STK32B: variants seen among roughly 807,000 people sequenced by gnomAD.
The protein encoded by STK32B is serine/threonine kinase 32B, also known as serine/threonine-protein kinase 32B.
A neutral mutation model predicts 52.6 loss-of-function variants in STK32B; 43 were observed. The ratio of observed to expected loss-of-function variants is 0.82; its 90% CI spans 0.64 to 1.05. The LOEUF is 1.05. Among genes scored for constraint, STK32B ranks in the 50% least tolerant of loss-of-function variants. The pLI, the probability that STK32B is intolerant of heterozygous loss-of-function variation, is 0.00. For synonymous variants in STK32B, 238 were observed against 204.3 expected (o/e 1.17, Z -1.41); for missense variants, 621 against 534.6 (o/e 1.16, Z -1.59).
chr4:5,090,355 A>G (rs1309641667), intron 1 of STK32B, among the ~76,000 whole-genome samples: 5 of 142,480 alleles, frequency 3.5e-5, no homozygotes, highest in Admixed American at 7.1e-5. Flanking sequence ...TTTTACATTT[A>G]AGTCTTTAAT....
Position 5,470,677 on chromosome 4 carries a change from TC to T in STK32B, c.1106+2610del, listed in dbSNP as rs1346134076. Among the ~76,000 whole-genome samples the T allele has an allele frequency of 1.3e-5, 2 of 152,108 alleles. No homozygotes were observed. The highest frequency in any genetic ancestry group is 1.3e-4 in the Admixed American group (2 of 15,268). On this transcript the variant is annotated intron_variant, in intron 11 of 11. Coordinates refer to ENST00000282908, the MANE Select transcript of STK32B (RefSeq NM_018401.3). This position sits in a 1 kb window ranked among gnomAD's most constrained non-coding sequence, Gnocchi z 4.6. Reference sequence around the variant, plus strand: ...GCCATGCTCCATCTACCCACAGTCCTCCCTTGCTGCAGTTTCTCAGCAGTAA... The same window carrying T: ...GCCATGCTCCATCTACCCACAGTCCTCCTTGCTGCAGTTTCTCAGCAGTAA...
intron 3 of STK32B, among the ~76,000 whole-genome samples, chr4:5,290,194 C>T (rs1728803696): frequency 6.6e-6 from 1 of 152,106 alleles, no homozygotes; most frequent in African/African-American, 2.4e-5. Flanking sequence ...TCACCTTGCT[C>T]CCCTAAATTT....
At chr4:5,485,675 G>C (rs1222852162) in intron 11 of STK32B, among the ~76,000 whole-genome samples, 1 of 152,134 alleles carries the variant, frequency 6.6e-6, no homozygotes, top group East Asian at 1.9e-4. Flanking sequence ...GCTTTTTAGA[G>C]TTTCTAGTTT....
In STK32B at chr4:5,159,695, GAATA is replaced by G. The variant is rs1718254204; in HGVS notation, c.109-8603_109-8600del. Among the ~76,000 whole-genome samples, 16 of 98,104 alleles carry G rather than the reference GAATA, an allele frequency of 1.6e-4. 2 individuals are homozygous for G. The highest frequency in any genetic ancestry group is 1.9e-4 in the Non-Finnish European group (10 of 53,330). 64.4% of individuals were successfully genotyped at this position (98,104 alleles called of 152,430 possible). On this transcript the variant is annotated intron_variant, in intron 2 of 11. Coordinates refer to ENST00000282908, the MANE Select transcript of STK32B (RefSeq NM_018401.3). ...TATGAATATATATATGAATATATAT[GAATA>G]TATATGAATATATATATGAATGTAT...
At chr4:5,166,833 G>A (rs969092061) in intron 2 of STK32B, among the ~76,000 whole-genome samples, 2 of 152,114 alleles carry the variant, frequency 1.3e-5, no homozygotes, top group Non-Finnish European at 2.9e-5. Context: ...GGGAAGATTA[G>A]CCCATACAAT....
At chr4:5,147,167 G>GT (rs1490929636) in intron 2 of STK32B, among the ~76,000 whole-genome samples, 4 of 151,954 alleles carry the variant, frequency 2.6e-5, no homozygotes, top group Admixed American at 6.6e-5. Flanking sequence ...AGTTGATGAA[G>GT]TTTTTTGGGG....
chr4:5,184,268 G>A (rs1241215716), intron 3 of STK32B, among the ~76,000 whole-genome samples: 1 of 152,146 alleles, frequency 6.6e-6, no homozygotes, highest in African/African-American at 2.4e-5. Flanking sequence ...TTTCAGTATT[G>A]TTGTGTCTCA....
the STK32B span, among the ~76,000 whole-genome samples, chr4:5,033,078 A>G: frequency 6.6e-6 from 1 of 152,114 alleles, no homozygotes; most frequent in Non-Finnish European, 1.5e-5. Flanking sequence ...ATTTGCTATT[A>G]TTATTTATGT....
At chr4:5,226,142 A>G (rs567879376) in intron 3 of STK32B, among the ~76,000 whole-genome samples, 1 of 152,360 alleles carries the variant, frequency 6.6e-6, no homozygotes, top group Admixed American at 6.5e-5. Context: ...TGAAGAAGAA[A>G]TATCATGTGT....
chr4:5,198,158 C>A (rs904438261), intron 3 of STK32B, among the ~76,000 whole-genome samples: 42 of 152,270 alleles, frequency 2.8e-4, no homozygotes, highest in African/African-American at 9.9e-4. Flanking sequence ...ATGGATACTT[C>A]TCAAAGTTAG....
At chr4:5,277,656 A>G (rs979862666) in intron 3 of STK32B, among the ~76,000 whole-genome samples, 3 of 152,250 alleles carry the variant, frequency 2.0e-5, no homozygotes, top group African/African-American at 7.2e-5. Flanking sequence ...AGATATTAAA[A>G]GCTGCACTTC....
intron 3 of STK32B, among the ~76,000 whole-genome samples, chr4:5,203,535 C>T (rs1414414266): frequency 1.3e-5 from 2 of 152,120 alleles, no homozygotes; most frequent in Non-Finnish European, 2.9e-5. Context: ...ACTGCTGTGA[C>T]TGTACAGGGG....
chr4:5,351,006 T>C (rs1733788762), intron 4 of STK32B, among the ~76,000 whole-genome samples: 2 of 151,966 alleles, frequency 1.3e-5, no homozygotes, highest in South Asian at 2.1e-4. Context: ...TAGACTCCAG[T>C]ACAATAACAG....
chr4:5,172,863 G>C (rs1719501144), intron 3 of STK32B, among the ~76,000 whole-genome samples: 1 of 152,092 alleles, frequency 6.6e-6, no homozygotes, highest in African/African-American at 2.4e-5. Context: ...TCTATTGATT[G>C]GAATAGTTTC....
chr4:5,144,227 CAT>C (rs1716729934), intron 2 of STK32B, among the ~76,000 whole-genome samples: 1 of 152,132 alleles, frequency 6.6e-6, no homozygotes, highest in South Asian at 2.1e-4. Context: ...AAATGCCATT[CAT>C]GCATGCACTT....
Position 5,459,875 on chromosome 4 carries a change from C to G in STK32B, c.784-228C>G, listed in dbSNP as rs149228197. 5.3e-5 allele frequency among the ~76,000 whole-genome samples: 8 copies of G among 152,260 alleles called. No individual in the cohort carries two copies. In the East Asian group the frequency reaches 1.5e-3, roughly 29 times the overall value. The stretch of plus-strand genomic sequence containing the variant: ...AAGTCTGGTCCCTGCCCTAACAGTC[C>G]CTCACTGGATGACCTTGCAGAAGCA... On this transcript the variant is annotated intron_variant, in intron 8 of 11. Transcript: ENST00000282908.
intron 3 of STK32B, among the ~76,000 whole-genome samples, chr4:5,271,530 A>G (rs1023333497): frequency 6.7e-6 from 1 of 149,360 alleles, no homozygotes; most frequent in Admixed American, 6.6e-5. Context: ...GTTTTTTCCA[A>G]TTCTGTGAAG....
At chr4:5,430,380 CTA>C (rs1256857998) in intron 6 of STK32B, among the ~76,000 whole-genome samples, 2 of 152,172 alleles carry the variant, frequency 1.3e-5, no homozygotes, top group African/African-American at 4.8e-5. Flanking sequence ...ATCTCTGGCA[CTA>C]TGTTTTTGCA....
Position 5,059,798 on chromosome 4 carries a change from T to C in STK32B, c.52+7883T>C, listed in dbSNP as rs557342847. ...GGCTCAGATATCTTCATAGGTAAAT[T>C]CTTCCAAACATTAGAAATAATAATA... On this transcript the variant is annotated intron_variant, in intron 1 of 11. Coordinates refer to ENST00000282908, the MANE Select transcript of STK32B (RefSeq NM_018401.3). Among the ~76,000 whole-genome samples the C allele has an allele frequency of 3.9e-5, 6 of 152,280 alleles. No homozygotes were observed. The East Asian group carries it at 1.2e-3, about 29-fold the overall frequency.
Sources: allele counts gnomAD v4.1 joint callset (sites outside exome capture counted in the v4.1 genomes callset), GRCh38; gene constraint gnomAD v4.1.1; non-coding constraint Gnocchi (gnomAD v3.1); transcripts MANE v1.5; gene names NCBI Gene and HGNC (gene_info 2026-07-23, HGNC 2026-07-21).